The following PDE8A variants were observed in gnomAD, a reference collection of about 807,000 sequenced individuals.
The protein encoded by PDE8A is high affinity cAMP-specific and IBMX-insensitive 3',5'-cyclic phosphodiesterase 8A.
Under a neutral mutation model 105.0 loss-of-function variants are expected in PDE8A, and 59 were observed. That is an observed-to-expected ratio of 0.56 (90% CI 0.46 to 0.70). PDE8A has a LOEUF of 0.70. Ranked by LOEUF, PDE8A falls within the 30% of genes least tolerant of loss-of-function variation. The pLI is 0.00. For synonymous variants in PDE8A, 355 were observed against 371.9 expected, an observed-to-expected ratio of 0.95 and a Z score of 0.52; for missense variants, 1,014 against 1,045.9, an observed-to-expected ratio of 0.97 and a Z score of 0.42.
intron 1 of PDE8A, among the ~76,000 whole-genome samples, chr15:85,058,667 A>C (rs2081099863): frequency 2.0e-5 from 3 of 152,170 alleles, no homozygotes. Flanking sequence ...CATTTTATCC[A>C]GATTATCCAA....
chr15:84,982,595 G>GT (rs2079734956), intron 1 of PDE8A, among the ~76,000 whole-genome samples: 1 of 149,836 alleles, frequency 6.7e-6, no homozygotes, highest in African/African-American at 2.4e-5. Flanking sequence ...CGCGGCGTCG[G>GT]TTTTTTGGAC....
intron 1 of PDE8A, among the ~76,000 whole-genome samples, chr15:85,060,723 A>G (rs2081130645): frequency 6.6e-6 from 1 of 152,218 alleles, no homozygotes; most frequent in Non-Finnish European, 1.5e-5. Context: ...GTAGTTACCC[A>G]CAAAAGTTAC....
chr15:85,137,248 G>A (rs576003344), intron 21 of PDE8A, among the ~76,000 whole-genome samples: 21 of 152,322 alleles, frequency 1.4e-4, no homozygotes, highest in Middle Eastern at 3.4e-3. Flanking sequence ...AGGGGTAGGC[G>A]GCTGGGGAGA....
intron 1 of PDE8A, among the ~76,000 whole-genome samples, chr15:85,049,397 A>C: frequency 6.6e-6 from 1 of 151,992 alleles, no homozygotes; most frequent in Non-Finnish European, 1.5e-5. Context: ...CTTTCTCTCT[A>C]TATATTTTGA....
intron 11 of PDE8A, among the ~76,000 whole-genome samples, chr15:85,105,897 T>C (rs995177930): frequency 6.6e-6 from 1 of 152,140 alleles, no homozygotes; most frequent in Non-Finnish European, 1.5e-5. Context: ...CCTCTTGGTG[T>C]TCCCTGAGGA....
chr15:85,101,089 A>C (rs1386019287), intron 11 of PDE8A, among the ~76,000 whole-genome samples: 1 of 152,216 alleles, frequency 6.6e-6, no homozygotes, highest in Admixed American at 6.5e-5. Context: ...GGAGGTAAGC[A>C]TTTTTAGGTG....
chr15:85,121,519 A>G lies in PDE8A; in HGVS notation c.1952+505A>G, dbSNP rs181672294. 1.3e-3 allele frequency among the ~76,000 whole-genome samples: 204 copies of G among 152,180 alleles called. 1 individual carries two copies. The highest frequency in any genetic ancestry group is 4.6e-3 in the African/African-American group (193 of 41,506). ...ATAATTACTTTTTAATTATTTGCGTAATGTCTGATTAGATTCTTAAGCTCT... is the reference window on the plus strand; with the variant it reads ...ATAATTACTTTTTAATTATTTGCGTGATGTCTGATTAGATTCTTAAGCTCT... On this transcript the variant is annotated intron_variant, in intron 18 of 21. Coordinates refer to ENST00000394553, the MANE Select transcript of PDE8A (RefSeq NM_002605.3).
chr15:85,123,005 C>T, intron 18 of PDE8A, 56 bp from the exon 19 acceptor site: 15 of 1,579,454 alleles, frequency 9.5e-6, no homozygotes, highest in Non-Finnish European at 1.1e-5. Context: ...TTCAGGAGTA[C>T]CTGTCTGGTC....
chr15:84,983,706 A>T (rs2079757602), intron 1 of PDE8A, among the ~76,000 whole-genome samples: 1 of 152,258 alleles, frequency 6.6e-6, no homozygotes, highest in Non-Finnish European at 1.5e-5. Flanking sequence ...ACACAGGTGC[A>T]TATGGAAACT....
chr15:85,126,846 G>C (rs552947105), intron 20 of PDE8A, among the ~76,000 whole-genome samples: 2 of 152,294 alleles, frequency 1.3e-5, no homozygotes, highest in East Asian at 3.9e-4. Context: ...CTTGCAATCA[G>C]CCAGAGGAAA....
chr15:85,011,119 C>T (rs1428393051), intron 1 of PDE8A, among the ~76,000 whole-genome samples: 4 of 152,112 alleles, frequency 2.6e-5, no homozygotes, highest in Admixed American at 2.6e-4. Context: ...TAAATATCCT[C>T]TATGTTGATT....
At position 85,067,930 on chromosome 15, in the gene PDE8A, G is replaced by T. The variant is rs140513173; in HGVS notation, c.434+726G>T. Among the ~76,000 whole-genome samples the T allele has an allele frequency of 3.0e-3, 451 of 152,188 alleles. 4 individuals carry two copies. The highest frequency in any genetic ancestry group is 0.01 in the African/African-American group (426 of 41,514). ...GGTAGCGTTTACCCTTCCATGACTT[G>T]CCTCCAGTAGTTTCTCCTGTGGCCT... On this transcript the variant is annotated intron_variant, in intron 3 of 21. Coordinates refer to ENST00000394553, the MANE Select transcript of PDE8A (RefSeq NM_002605.3).
chr15:85,010,372 G>T (rs886282110), intron 1 of PDE8A, among the ~76,000 whole-genome samples: 7 of 152,166 alleles, frequency 4.6e-5, no homozygotes, highest in African/African-American at 1.4e-4. Flanking sequence ...ATGTGCTTTA[G>T]CCTCAGTCTC....
chr15:85,103,469 T>G (rs755694849), intron 11 of PDE8A, among the ~76,000 whole-genome samples: 2 of 152,228 alleles, frequency 1.3e-5, no homozygotes, highest in Non-Finnish European at 2.9e-5. Flanking sequence ...ACCACCTTTA[T>G]GTCCAAAGGT....
At chr15:84,982,840 T>C (rs949131066) in intron 1 of PDE8A, among the ~76,000 whole-genome samples, 4 of 152,260 alleles carry the variant, frequency 2.6e-5, no homozygotes, top group African/African-American at 7.2e-5. Flanking sequence ...GTTACCATTT[T>C]CTTCGGGACT....
intron 1 of PDE8A, among the ~76,000 whole-genome samples, chr15:85,004,985 AT>A (rs2080123087): frequency 6.7e-6 from 1 of 149,758 alleles, no homozygotes; most frequent in Non-Finnish European, 1.5e-5. Flanking sequence ...AGTCCATATG[AT>A]TTTTTTTCCT....
intron 6 of PDE8A, among the ~76,000 whole-genome samples, chr15:85,084,624 T>C (rs1486811445): frequency 1.3e-5 from 2 of 152,192 alleles, no homozygotes; most frequent in African/African-American, 4.8e-5. Flanking sequence ...GTAGGTGATG[T>C]TGGAGCTTAT....
At chr15:85,099,181 C>G (rs2081814194) in intron 9 of PDE8A, among the ~76,000 whole-genome samples, 1 of 152,210 alleles carries the variant, frequency 6.6e-6, no homozygotes, top group Non-Finnish European at 1.5e-5. Flanking sequence ...CCACTTCATT[C>G]CATCCTAACT....
At chr15:85,079,223 TTAATAATAGCTCAC>T (rs895092230) in intron 5 of PDE8A, among the ~76,000 whole-genome samples, 1 of 152,226 alleles carries the variant, frequency 6.6e-6, no homozygotes, top group African/African-American at 2.4e-5. Flanking sequence ...AAGAGGAATT[TTAATAATAGCTCAC>T]TTTTAAATTC....
Sources: gnomAD v4.1 joint callset for allele counts (sites outside exome capture counted in the v4.1 genomes callset) on GRCh38, gnomAD v4.1.1 for gene constraint, MANE v1.5 for transcripts, NCBI Gene and HGNC (gene_info 2026-07-23, HGNC 2026-07-21) for gene names.